GALNT10: variants seen among roughly 807,000 people sequenced by gnomAD.
GALNT10 encodes polypeptide N-acetylgalactosaminyltransferase 10.
In GALNT10, 41 loss-of-function variants were observed where a neutral mutation model predicts 75.0. That is an observed-to-expected ratio of 0.55 (90% CI 0.43 to 0.71). The LOEUF (loss-of-function observed/expected upper bound fraction) is 0.71. Among genes scored for constraint, GALNT10 ranks in the 30% least tolerant of loss-of-function variants. The pLI, the probability that GALNT10 is intolerant of heterozygous loss-of-function variation, is 0.00. For synonymous variants in GALNT10, 302 were observed against 313.0 expected (o/e 0.96, Z 0.37); for missense variants, 727 against 818.5 (o/e 0.89, Z 1.36).
chr5:154,361,114 C>A lies in GALNT10; in HGVS notation c.569-15163C>A, dbSNP rs534556225. Among the ~76,000 whole-genome samples the A allele has an allele frequency of 1.5e-4, 23 of 152,090 alleles. No individual in the cohort carries two copies. In the South Asian group the frequency reaches 4.2e-3, roughly 27 times the overall value. The stretch of plus-strand genomic sequence containing the variant: ...CTTTCCATGGGTTGTTTTTTCCTAT[C>A]TAGAATGTCCACCCTGGTGAGCTTC... On this transcript the variant is annotated intron_variant, in intron 4 of 11. Coordinates refer to ENST00000297107, the MANE Select transcript of GALNT10 (RefSeq NM_198321.4).
intron 1 of GALNT10, among the ~76,000 whole-genome samples, chr5:154,196,334 TGACA>T (rs1774938712): frequency 6.6e-6 from 1 of 152,238 alleles, no homozygotes; most frequent in Admixed American, 6.5e-5. Context: ...CTGCTATCCC[TGACA>T]GACAGAGAGA....
Position 154,294,911 on chromosome 5 carries a change from G to A in GALNT10, c.255G>A (p.Gln85=), listed in dbSNP as rs1754250102. The stretch of plus-strand genomic sequence containing the variant: ...AGGAGGCCATCCGGAGGGACGCTCA[G>A]CGCGTAGGTACGGAGGGCAGGATTG... ...HDKEAIRRDA[Q]RVGNGEQGRP... Residue 85 remains glutamine (Q), a synonymous_variant, in exon 2 of 12, where the codon CAG becomes CAA. Transcript: ENST00000297107. The A allele has an allele frequency of 1.3e-6, 2 of 1,532,596 alleles. No individual in the cohort carries two copies. Among genetic ancestry groups the A allele is most frequent in the Non-Finnish European group, 1.8e-6 (2 of 1,105,490 alleles). 94.9% of individuals were successfully genotyped at this position (1,532,596 alleles called of 1,614,324 possible). A position where few individuals can be genotyped will look rare whatever the true frequency, so the allele number is the denominator to read the frequency against.
chr5:154,362,063 C>G (rs1042023609), intron 4 of GALNT10, among the ~76,000 whole-genome samples: 2 of 152,192 alleles, frequency 1.3e-5, no homozygotes, highest in Non-Finnish European at 2.9e-5. Flanking sequence ...ACAGCATGTC[C>G]AGGCCAGTGC....
At chr5:154,257,917 T>A (rs1753639274) in intron 1 of GALNT10, among the ~76,000 whole-genome samples, 1 of 152,176 alleles carries the variant, frequency 6.6e-6, no homozygotes, top group Admixed American at 6.5e-5. Flanking sequence ...ACTACCAGAA[T>A]ACGCTGTTAC....
At chr5:154,213,603 AT>A (rs965081274) in intron 1 of GALNT10, among the ~76,000 whole-genome samples, 7 of 151,218 alleles carry the variant, frequency 4.6e-5, no homozygotes, top group East Asian at 1.9e-4. Context: ...CCGTGGGGTT[AT>A]TTTTTTTTCC....
chr5:154,359,685 G>T lies in GALNT10; in HGVS notation c.569-16592G>T, dbSNP rs550905052. Among the ~76,000 whole-genome samples the T allele has an allele frequency of 2.0e-5, 3 of 151,754 alleles. No individual in the cohort carries two copies. The East Asian group carries it at 5.8e-4, about 29-fold the overall frequency. ...TCTTTGACAAGGGCCATCCTTTTGT[G>T]TGTCACCACAAGCCAAGATTTTGAC... On this transcript the variant is annotated intron_variant, in intron 4 of 11. Coordinates refer to ENST00000297107, the MANE Select transcript of GALNT10 (RefSeq NM_198321.4).
In GALNT10 at chr5:154,409,482, C is replaced by A. The variant is rs1756349217; in HGVS notation, c.1165-59C>A. The A allele has an allele frequency of 1.8e-6, 2 of 1,111,000 alleles. No homozygotes were observed. The highest frequency in any genetic ancestry group is 1.2e-5 in the South Asian group (1 of 81,072). 68.8% of individuals were successfully genotyped at this position (1,111,000 alleles called of 1,614,324 possible). A position where few individuals can be genotyped will look rare whatever the true frequency, so the allele number is the denominator to read the frequency against. On this transcript the variant is annotated intron_variant, in intron 8 of 11. Transcript: ENST00000297107. This position sits in a 1 kb window ranked among gnomAD's most constrained non-coding sequence, Gnocchi z 4.5. Reference sequence around the variant, plus strand: ...CGACCTGCCAGGACCCTTTTCACCCCACTGCCTGGCTTTGGCTTCTTGGAA... The same window carrying A: ...CGACCTGCCAGGACCCTTTTCACCCAACTGCCTGGCTTTGGCTTCTTGGAA...
chr5:154,403,904 G>C, intron 7 of GALNT10, 200 bp from the exon 8 acceptor site: 1 of 649,960 alleles, frequency 1.5e-6, no homozygotes, highest in Non-Finnish European at 2.9e-6. Context: ...GTGTGGCAAT[G>C]GTAAGCACTC....
intron 1 of GALNT10, among the ~76,000 whole-genome samples, chr5:154,244,541 A>T (rs1753390653): frequency 6.6e-6 from 1 of 152,182 alleles, no homozygotes; most frequent in African/African-American, 2.4e-5. Context: ...CAAAGCTGGG[A>T]CTGGTGAGAT....
In GALNT10 at chr5:154,328,083, G is replaced by GAA. The variant is rs5872372; in HGVS notation, c.402-1479_402-1478dup. Among the ~76,000 whole-genome samples, 277 of 147,526 alleles carry GAA rather than the reference G, an allele frequency of 1.9e-3. 1 individual carries two copies. Among genetic ancestry groups the GAA allele is most frequent in the African/African-American group, 5.8e-3 (232 of 40,230 alleles). On this transcript the variant is annotated intron_variant, in intron 3 of 11. Transcript: ENST00000297107. The stretch of plus-strand genomic sequence containing the variant: ...TTTCTTCAACAAACAAATCGAAGGG[G>GAA]AAAAAAAAAAAGGAGGGCAGAAGCT...
intron 4 of GALNT10, chr5:154,347,290 T>G (rs762539857): frequency 2.2e-6 from 1 of 462,534 alleles, no homozygotes; most frequent in Admixed American, 3.0e-5. Context: ...AAACTCAAAT[T>G]TATTTGGATC....
At chr5:154,278,376 C>T (rs1020077615) in intron 1 of GALNT10, among the ~76,000 whole-genome samples, 2 of 152,134 alleles carry the variant, frequency 1.3e-5, no homozygotes, top group Non-Finnish European at 2.9e-5. Flanking sequence ...GTCAAATAAA[C>T]TTGTGAAATG....
At chr5:154,193,581 G>A (rs140610472) in intron 1 of GALNT10, among the ~76,000 whole-genome samples, 2 of 152,326 alleles carry the variant, frequency 1.3e-5, no homozygotes, top group African/African-American at 2.4e-5. Context: ...TAATTGTTGA[G>A]AATCATCTTT....
At chr5:154,336,356 T>C (rs1277821926) in intron 4 of GALNT10, among the ~76,000 whole-genome samples, 1 of 152,148 alleles carries the variant, frequency 6.6e-6, no homozygotes, top group African/African-American at 2.4e-5. Context: ...TGCCAAGGAG[T>C]GTGATTGCTG....
chr5:154,283,824 A>G (rs1754076805), intron 1 of GALNT10, among the ~76,000 whole-genome samples: 1 of 152,204 alleles, frequency 6.6e-6, no homozygotes, highest in Admixed American at 6.5e-5. Flanking sequence ...CCAGTGGGTC[A>G]TTGTCTACCA....
intron 1 of GALNT10, among the ~76,000 whole-genome samples, chr5:154,246,681 C>T (rs926004549): frequency 2.0e-5 from 3 of 152,070 alleles, no homozygotes; most frequent in Admixed American, 6.6e-5. Flanking sequence ...GTAAATTTAT[C>T]TGAGTTCATT....
At position 154,417,092 on chromosome 5, in the gene GALNT10, G is replaced by A. The variant is rs561112016; in HGVS notation, c.*120G>A. On this transcript the variant is annotated 3_prime_UTR_variant, in exon 12 of 12. Coordinates refer to ENST00000297107, the MANE Select transcript of GALNT10 (RefSeq NM_198321.4). ...AAAAGGTGCTGGCCAAATGGTTCAG[G>A]GTGAAGAGGGCTCTTGATTCAGGGG... 7.2e-6 allele frequency: 6 copies of A among 829,978 alleles called. No individual in the cohort carries two copies. Among genetic ancestry groups the A allele is most frequent in the African/African-American group, 6.8e-5 (4 of 59,112 alleles). 51.4% of individuals were successfully genotyped at this position (829,978 alleles called of 1,614,324 possible).
At position 154,417,329 on chromosome 5, in the gene GALNT10, G is replaced by A. The variant is rs755405245; in HGVS notation, c.*357G>A. The A allele has an allele frequency of 1.6e-5, 3 of 187,456 alleles. No homozygotes were observed. The highest frequency in any genetic ancestry group is 3.3e-5 in the Non-Finnish European group (3 of 90,910). The allele number at this position is 187,456 out of a possible 1,614,324, so 11.6% of individuals were successfully genotyped here. ...TAGGCCACCCAAAAGTGAGTCCTGC[G>A]AGGTTGCCCAGCCCTCAGATGGCTC... On this transcript the variant is annotated 3_prime_UTR_variant, in exon 12 of 12. Transcript: ENST00000297107.
chr5:154,363,151 C>CA (rs1755418076), intron 4 of GALNT10, among the ~76,000 whole-genome samples: 1 of 152,164 alleles, frequency 6.6e-6, no homozygotes, highest in Admixed American at 6.5e-5. Flanking sequence ...CTGGACAAAA[C>CA]AGGTTTCAGA....
Sources: allele counts gnomAD v4.1 joint callset (sites outside exome capture counted in the v4.1 genomes callset), GRCh38; gene constraint gnomAD v4.1.1; non-coding constraint Gnocchi (gnomAD v3.1); transcripts MANE v1.5; gene names NCBI Gene and HGNC (gene_info 2026-07-23, HGNC 2026-07-21).